The following KIRREL3 variants were observed in gnomAD, a reference collection of about 807,000 sequenced individuals.
KIRREL3 encodes kin of IRRE-like protein 3.
KIRREL3 carries 36 observed loss-of-function variants against 89.7 expected under a neutral mutation model. That is an observed-to-expected ratio of 0.40 (90% CI 0.31 to 0.53). The LOEUF is 0.53. Ranked by LOEUF, KIRREL3 falls within the 20% of genes least tolerant of loss-of-function variation. The probability of loss-of-function intolerance (pLI) is 0.49; values close to 1 mark genes in which losing one functional copy is unlikely to be tolerated. For synonymous variants in KIRREL3, 445 were observed against 441.4 expected (o/e 1.01, Z -0.10); for missense variants, 864 against 1,056.6 (o/e 0.82, Z 2.53).
Position 126,446,851 on chromosome 11 carries a change from G to C in KIRREL3, c.1033C>G (p.Leu345Val). The change falls in exon 9 of 17, where the codon CTC becomes GTC. Residue 345 changes from leucine to valine, a missense_variant. Leu to Val is a conservative substitution (Grantham distance 32, BLOSUM62 1). Coordinates refer to ENST00000525144, the MANE Select transcript of KIRREL3 (RefSeq NM_032531.4). ...ATGGCATCAGAGCCCAGATCCACGAGCAAGGATTGGGGTTCTGTGGTCATC... is the reference window on the plus strand; with the variant it reads ...ATGGCATCAGAGCCCAGATCCACGACCAAGGATTGGGGTTCTGTGGTCATC... ...PRMTTEPQSL[L>V]VDLGSDAIFS... 6.2e-7 allele frequency: 1 copy of C among 1,603,836 alleles called. No individual in the cohort carries two copies. The highest frequency in any genetic ancestry group is 8.5e-7 in the Non-Finnish European group (1 of 1,175,294).
rs1036721131 is a variant in KIRREL3 at position 126,609,613 on chromosome 11, C to T, written c.56-46701G>A. Among the ~76,000 whole-genome samples the T allele has an allele frequency of 3.3e-5, 5 of 152,164 alleles. No individual in the cohort carries two copies. The highest frequency in any genetic ancestry group is 1.2e-4 in the African/African-American group (5 of 41,436). On this transcript the variant is annotated intron_variant, in intron 1 of 16. Coordinates refer to ENST00000525144, the MANE Select transcript of KIRREL3 (RefSeq NM_032531.4). The surrounding 1 kb of genome is among the most constrained non-coding windows in gnomAD (Gnocchi z 5.0). ...TTTCTGGGGGGACCTCCGATGCATG[C>T]TCACTTGTATAAAATCTAACTGGAA...
In KIRREL3 at chr11:126,528,680, A is replaced by G. The variant is rs1253920184; in HGVS notation, c.134-1993T>C. On this transcript the variant is annotated intron_variant, in intron 2 of 16. Coordinates refer to ENST00000525144, the MANE Select transcript of KIRREL3 (RefSeq NM_032531.4). This position sits in a 1 kb window ranked among gnomAD's most constrained non-coding sequence, Gnocchi z 4.6. ...TCTCTTCAAGTTCTCTGTTGTAATT[A>G]GACTGTTTCTGGCACCAAAACAGGG... Among the ~76,000 whole-genome samples, 1 of 151,770 alleles carries G rather than the reference A, an allele frequency of 6.6e-6. No homozygotes were observed. Among genetic ancestry groups the G allele is most frequent in the Non-Finnish European group, 1.5e-5 (1 of 67,964 alleles).
chr11:126,609,635 G>A lies in KIRREL3; in HGVS notation c.56-46723C>T, dbSNP rs1943040026. 6.6e-6 allele frequency among the ~76,000 whole-genome samples: 1 copy of A among 152,152 alleles called. No homozygotes were observed. The highest frequency in any genetic ancestry group is 1.5e-5 in the Non-Finnish European group (1 of 68,040). On this transcript the variant is annotated intron_variant, in intron 1 of 16. Transcript: ENST00000525144. The surrounding 1 kb of genome is among the most constrained non-coding windows in gnomAD (Gnocchi z 5.0). ...ATGCTCACTTGTATAAAATCTAACT[G>A]GAACTGGGATCGTGTTCTGGGGGTT...
intron 5 of KIRREL3, among the ~76,000 whole-genome samples, chr11:126,473,013 G>GC (rs1282224029): frequency 1.3e-4 from 3 of 22,574 alleles, no homozygotes; most frequent in South Asian, 1.7e-3. Context: ...CTGCCAACCA[G>GC]CCCCCCACTA....
At chr11:126,759,791 A>C (rs925600771) in intron 1 of KIRREL3, among the ~76,000 whole-genome samples, 2 of 152,242 alleles carry the variant, frequency 1.3e-5, no homozygotes, top group African/African-American at 4.8e-5. Context: ...TACAGTTATA[A>C]ATATAGTCTC....
intron 1 of KIRREL3, among the ~76,000 whole-genome samples, chr11:126,864,360 T>A (rs10893598): frequency 0.56 from 84,490 of 151,964 alleles, 24,100 homozygotes; most frequent in East Asian, 0.69. Flanking sequence ...CCGCTCCTTT[T>A]TCCTCCATGA....
rs1241228472 is a variant in KIRREL3, at chr11:126,704,059, C to T, written c.56-141147G>A. 6.6e-6 allele frequency among the ~76,000 whole-genome samples: 1 copy of T among 152,214 alleles called. No individual in the cohort carries two copies. The highest frequency in any genetic ancestry group is 1.5e-5 in the Non-Finnish European group (1 of 68,034). Reference sequence around the variant, plus strand: ...TCCCCCCTTCTCTTATTTATATACACTCACACAATTAGATATAACTATATT... The same window carrying T: ...TCCCCCCTTCTCTTATTTATATACATTCACACAATTAGATATAACTATATT... On this transcript the variant is annotated intron_variant, in intron 1 of 16. Coordinates refer to ENST00000525144, the MANE Select transcript of KIRREL3 (RefSeq NM_032531.4). The surrounding 1 kb of genome is among the most constrained non-coding windows in gnomAD (Gnocchi z 4.2).
At position 126,639,232 on chromosome 11, in the gene KIRREL3, AC is replaced by A. The variant is rs1406470695; in HGVS notation, c.56-76321del. Reference sequence around the variant, plus strand: ...TTGCCTTCAAAGGCCACTGGCTCTGACCTTTTGATAACATTTTAAAAAAAGA... The same window carrying A: ...TTGCCTTCAAAGGCCACTGGCTCTGACTTTTGATAACATTTTAAAAAAAGA... On this transcript the variant is annotated intron_variant, in intron 1 of 16. Coordinates refer to ENST00000525144, the MANE Select transcript of KIRREL3 (RefSeq NM_032531.4). The surrounding 1 kb of genome is among the most constrained non-coding windows in gnomAD (Gnocchi z 4.3). Among the ~76,000 whole-genome samples, 1 of 152,102 alleles carries A rather than the reference AC, an allele frequency of 6.6e-6. No homozygotes were observed. Among genetic ancestry groups the A allele is most frequent in the Non-Finnish European group, 1.5e-5 (1 of 68,034 alleles).
At chr11:126,539,571 T>C (rs986849005) in intron 2 of KIRREL3, among the ~76,000 whole-genome samples, 3 of 152,260 alleles carry the variant, frequency 2.0e-5, no homozygotes, top group African/African-American at 7.2e-5. Flanking sequence ...TAGGAGCCAT[T>C]TGGGGGTAGA....
intron 1 of KIRREL3, among the ~76,000 whole-genome samples, chr11:126,662,318 G>A (rs962486331): frequency 1.3e-5 from 2 of 152,218 alleles, no homozygotes; most frequent in East Asian, 1.9e-4. Flanking sequence ...ACCAGAAAAC[G>A]GGGCCAGGCC....
chr11:126,572,049 C>T (rs569102889), intron 1 of KIRREL3, among the ~76,000 whole-genome samples: 2 of 152,230 alleles, frequency 1.3e-5, no homozygotes, highest in Non-Finnish European at 2.9e-5. Flanking sequence ...TGAATGGGGC[C>T]AGATGCTCGA....
chr11:126,461,693 T>A (rs972815068), intron 6 of KIRREL3, among the ~76,000 whole-genome samples: 3 of 152,160 alleles, frequency 2.0e-5, no homozygotes, highest in African/African-American at 7.2e-5. Context: ...AGACACTGGC[T>A]GGGAACTTCT....
At chr11:126,770,188 G>A (rs1949975026) in intron 1 of KIRREL3, among the ~76,000 whole-genome samples, 1 of 152,104 alleles carries the variant, frequency 6.6e-6, no homozygotes, top group African/African-American at 2.4e-5. Flanking sequence ...TGCTTGTCAA[G>A]GGCCCACCTC....
chr11:126,464,547 GAAAAA>G (rs1956657886), intron 5 of KIRREL3, among the ~76,000 whole-genome samples: 1 of 150,096 alleles, frequency 6.7e-6, no homozygotes, highest in South Asian at 2.1e-4. Flanking sequence ...AGAAGAAAAA[GAAAAA>G]GAAAAAGAAG....
At position 126,917,878 on chromosome 11, in the gene KIRREL3, C is replaced by T. The variant is rs1342125032; in HGVS notation, c.55+82577G>A. ...AGTGGCATTTCTGTTCCCTCCTCCA[C>T]CCCAGTTGCACGCTTTGGTAATTGT... On this transcript the variant is annotated intron_variant, in intron 1 of 16. Transcript: ENST00000525144. The surrounding 1 kb of genome is among the most constrained non-coding windows in gnomAD (Gnocchi z 5.0). Among the ~76,000 whole-genome samples, 4 of 152,160 alleles carry T rather than the reference C, an allele frequency of 2.6e-5. No individual in the cohort carries two copies. Among genetic ancestry groups the T allele is most frequent in the Non-Finnish European group, 5.9e-5 (4 of 68,026 alleles).
chr11:126,885,099 C>T lies in KIRREL3; in HGVS notation c.55+115356G>A, dbSNP rs947411625. Among the ~76,000 whole-genome samples the T allele has an allele frequency of 1.3e-5, 2 of 152,124 alleles. 1 individual carries two copies. Among genetic ancestry groups the T allele is most frequent in the African/African-American group, 4.8e-5 (2 of 41,424 alleles). ...TAGGAAATAGGGTTATTTCAAAGACCTTGCATATGGGAGAGGAATATGATG... is the reference window on the plus strand; with the variant it reads ...TAGGAAATAGGGTTATTTCAAAGACTTTGCATATGGGAGAGGAATATGATG... On this transcript the variant is annotated intron_variant, in intron 1 of 16. Coordinates refer to ENST00000525144, the MANE Select transcript of KIRREL3 (RefSeq NM_032531.4).
At position 126,697,620 on chromosome 11, in the gene KIRREL3, A is replaced by G. The variant is rs1031930431; in HGVS notation, c.56-134708T>C. Among the ~76,000 whole-genome samples, 1 of 152,246 alleles carries G rather than the reference A, an allele frequency of 6.6e-6. No individual in the cohort carries two copies. The highest frequency in any genetic ancestry group is 2.4e-5 in the African/African-American group (1 of 41,468). ...AGCTTTAGATCCAAAAGAGGTCAGA[A>G]GATTTAGACCAACCCTAATAACCTG... On this transcript the variant is annotated intron_variant, in intron 1 of 16. Coordinates refer to ENST00000525144, the MANE Select transcript of KIRREL3 (RefSeq NM_032531.4). This position sits in a 1 kb window ranked among gnomAD's most constrained non-coding sequence, Gnocchi z 4.2.
rs538841592 is a variant in KIRREL3, at chr11:126,569,934, G to T, written c.56-7022C>A. Among the ~76,000 whole-genome samples the T allele has an allele frequency of 6.6e-4, 100 of 152,216 alleles. No individual in the cohort carries two copies. Among genetic ancestry groups the T allele is most frequent in the Non-Finnish European group, 1.1e-3 (77 of 68,016 alleles). Reference sequence around the variant, plus strand: ...GTTTTCACTTTGATTCTGCTAAACTGCTTTCTGCATCGGTTCTGCCTACTC... The same window carrying T: ...GTTTTCACTTTGATTCTGCTAAACTTCTTTCTGCATCGGTTCTGCCTACTC... On this transcript the variant is annotated intron_variant, in intron 1 of 16. Coordinates refer to ENST00000525144, the MANE Select transcript of KIRREL3 (RefSeq NM_032531.4). This position sits in a 1 kb window ranked among gnomAD's most constrained non-coding sequence, Gnocchi z 6.5.
intron 1 of KIRREL3, among the ~76,000 whole-genome samples, chr11:126,961,739 G>A (rs1400043552): frequency 6.6e-6 from 1 of 152,220 alleles, no homozygotes; most frequent in East Asian, 1.9e-4. Context: ...CTTTTTATTG[G>A]AAGAAGGCAC....
Sources: allele counts gnomAD v4.1 joint callset (sites outside exome capture counted in the v4.1 genomes callset), GRCh38; gene constraint gnomAD v4.1.1; non-coding constraint Gnocchi (gnomAD v3.1); transcripts MANE v1.5; gene names NCBI Gene and HGNC (gene_info 2026-07-23, HGNC 2026-07-21).